The following ARHGAP28 variants were observed in gnomAD, a reference collection of about 807,000 sequenced individuals.
The protein encoded by ARHGAP28 is Rho GTPase activating protein 28.
ARHGAP28 carries 56 observed loss-of-function variants against 90.7 expected under a neutral mutation model. The ratio of observed to expected loss-of-function variants is 0.62; its 90% confidence interval spans 0.50 to 0.77. The LOEUF is 0.77. ARHGAP28 is among the 30% of genes least tolerant of loss of function. The pLI, the probability that ARHGAP28 is intolerant of heterozygous loss-of-function variation, is 0.00. For missense variants in ARHGAP28, 869 were observed against 900.9 expected, an observed-to-expected ratio of 0.96 and a Z score of 0.45; for synonymous variants, 308 against 323.3, an observed-to-expected ratio of 0.95 and a Z score of 0.51.
intron 3 of ARHGAP28, among the ~76,000 whole-genome samples, chr18:6,845,530 A>G (rs1384681668): frequency 6.6e-6 from 1 of 152,146 alleles, no homozygotes; most frequent in African/African-American, 2.4e-5. Flanking sequence ...TCACATTGGT[A>G]TTAAGCTCTG....
Position 6,913,392 on chromosome 18 carries a change from A to G in ARHGAP28, c.*1238A>G, listed in dbSNP as rs917727706. ...ATAGTCCTTCTCAGATTAGCTGGAA[A>G]TGGGGACAGAGTTCTCATTTATCCC... On this transcript the variant is annotated 3_prime_UTR_variant, in exon 18 of 18. Coordinates refer to ENST00000383472, the MANE Select transcript of ARHGAP28 (RefSeq NM_001366230.1). The G allele has an allele frequency of 7.2e-5, 11 of 152,310 alleles. 1 individual carries two copies. The highest frequency in any genetic ancestry group is 2.0e-4 in the Admixed American group (3 of 15,296). 9.4% of individuals were successfully genotyped at this position (152,310 alleles called of 1,614,324 possible).
At chr18:6,735,040 C>G (rs186097533) in intron 1 of ARHGAP28, among the ~76,000 whole-genome samples, 2 of 152,166 alleles carry the variant, frequency 1.3e-5, no homozygotes, top group Admixed American at 1.3e-4. Flanking sequence ...AAGCTGCTCA[C>G]TTCTCCCTGA....
In ARHGAP28 at chr18:6,820,772, C is replaced by T. The variant is rs184344101; in HGVS notation, c.123-3990C>T. On this transcript the variant is annotated intron_variant, in intron 1 of 17. Transcript: ENST00000383472. ...AAACAAAAACTGTCAGCCTAGAGTT[C>T]TATGCCCAGTAAAAAATATTTGTCA... 8.5e-3 allele frequency among the ~76,000 whole-genome samples: 1,287 copies of T among 152,262 alleles called. 10 individuals are homozygous for T. Among genetic ancestry groups the T allele is most frequent in the Admixed American group, 0.016 (241 of 15,294 alleles).
intron 1 of ARHGAP28, among the ~76,000 whole-genome samples, chr18:6,802,866 G>A (rs1444198733): frequency 6.6e-6 from 1 of 152,032 alleles, no homozygotes; most frequent in Non-Finnish European, 1.5e-5. Context: ...ATTGTAAATG[G>A]CATTGTTTTT....
In ARHGAP28 at chr18:6,794,072, C is replaced by T. The variant is rs559766465; in HGVS notation, c.123-30690C>T. Among the ~76,000 whole-genome samples the T allele has an allele frequency of 2.6e-5, 4 of 152,226 alleles. No individual in the cohort carries two copies. The South Asian group carries it at 6.2e-4, about 24-fold the overall frequency. On this transcript the variant is annotated intron_variant, in intron 1 of 17. Transcript: ENST00000383472. ...TTTCTCATTAAGAAAAAGTGTATGG[C>T]GTGCAGTTCTAGGCTTAAGGTGTTG...
At chr18:6,742,435 G>T (rs2055987178) in intron 1 of ARHGAP28, among the ~76,000 whole-genome samples, 1 of 152,118 alleles carries the variant, frequency 6.6e-6, no homozygotes, top group Non-Finnish European at 1.5e-5. Flanking sequence ...TTTCCAGCAT[G>T]CAGGGATTAC....
chr18:6,852,428 C>A (rs967960004), intron 4 of ARHGAP28, among the ~76,000 whole-genome samples: 6 of 152,184 alleles, frequency 3.9e-5, no homozygotes, highest in African/African-American at 1.4e-4. Flanking sequence ...AATAGCTATA[C>A]TTGCTTGCTA....
chr18:6,880,908 C>A (rs2143633260), intron 10 of ARHGAP28, among the ~76,000 whole-genome samples: 1 of 152,332 alleles, frequency 6.6e-6, no homozygotes, highest in East Asian at 1.9e-4. Flanking sequence ...AGAGCCCACT[C>A]TATCTCTTTC....
At chr18:6,873,035 GGT>G (rs1342383449) in intron 7 of ARHGAP28, among the ~76,000 whole-genome samples, 5 of 152,102 alleles carry the variant, frequency 3.3e-5, no homozygotes, top group African/African-American at 1.2e-4. Flanking sequence ...GATATACCTA[GGT>G]GTGTTTCCTG....
intron 3 of ARHGAP28, among the ~76,000 whole-genome samples, chr18:6,848,125 A>G (rs2056881016): frequency 6.6e-6 from 1 of 152,100 alleles, no homozygotes; most frequent in African/African-American, 2.4e-5. Context: ...TTGCACAAAG[A>G]GTTTAGGATC....
At chr18:6,800,961 A>C (rs1209673235) in intron 1 of ARHGAP28, among the ~76,000 whole-genome samples, 2 of 152,152 alleles carry the variant, frequency 1.3e-5, no homozygotes, top group African/African-American at 4.8e-5. Context: ...TATTTTCTTG[A>C]AGTATGTGGC....
chr18:6,787,361 T>C (rs2056373811), intron 1 of ARHGAP28, among the ~76,000 whole-genome samples: 1 of 152,062 alleles, frequency 6.6e-6, no homozygotes, highest in Admixed American at 6.5e-5. Context: ...TATTTACTTT[T>C]CCTTTATACT....
chr18:6,882,025 A>T, intron 10 of ARHGAP28, 112 bp from the exon 11 acceptor site: 2 of 967,208 alleles, frequency 2.1e-6, no homozygotes, highest in Non-Finnish European at 3.0e-6. Context: ...GGTAGACATT[A>T]CCTTACCAGT....
chr18:6,845,887 GA>G (rs2056862474), intron 3 of ARHGAP28, among the ~76,000 whole-genome samples: 1 of 152,198 alleles, frequency 6.6e-6, no homozygotes, highest in East Asian at 1.9e-4. Flanking sequence ...TCTAGCACAG[GA>G]AGTGAACACA....
chr18:6,905,944 A>C (rs2057362543), intron 16 of ARHGAP28, among the ~76,000 whole-genome samples: 1 of 152,172 alleles, frequency 6.6e-6, no homozygotes, highest in Non-Finnish European at 1.5e-5. Flanking sequence ...AAGATAACAC[A>C]GTAAAGATAT....
At chr18:6,798,348 C>A (rs2056457367) in intron 1 of ARHGAP28, among the ~76,000 whole-genome samples, 1 of 152,086 alleles carries the variant, frequency 6.6e-6, no homozygotes, top group Non-Finnish European at 1.5e-5. Context: ...CACCTGCCAC[C>A]ATGCCCGGCT....
intron 1 of ARHGAP28, among the ~76,000 whole-genome samples, chr18:6,803,839 C>T (rs182732442): frequency 0.018 from 2,720 of 151,934 alleles, 84 homozygotes; most frequent in African/African-American, 0.063. Context: ...AGTGCAGTGG[C>T]GCGATCTTGG....
chr18:6,836,596 T>G lies in ARHGAP28; in HGVS notation c.326-601T>G, dbSNP rs999423372. On this transcript the variant is annotated intron_variant, in intron 2 of 17. Coordinates refer to ENST00000383472, the MANE Select transcript of ARHGAP28 (RefSeq NM_001366230.1). Reference sequence around the variant, plus strand: ...ATAAGGCAGATACCTGGATCTGCTATATGGAGGAATTGGGAGGAGTTGGAC... The same window carrying G: ...ATAAGGCAGATACCTGGATCTGCTAGATGGAGGAATTGGGAGGAGTTGGAC... Among the ~76,000 whole-genome samples, 15 of 152,198 alleles carry G rather than the reference T, an allele frequency of 9.9e-5. 1 individual carries two copies. Among genetic ancestry groups the G allele is most frequent in the Admixed American group, 7.2e-4 (11 of 15,294 alleles).
chr18:6,821,006 T>TAA (rs2056623169), intron 1 of ARHGAP28, among the ~76,000 whole-genome samples: 1 of 152,304 alleles, frequency 6.6e-6, no homozygotes, highest in African/African-American at 2.4e-5. Context: ...ACCATGTATT[T>TAA]AGTTTTTCAA....
Sources: allele counts gnomAD v4.1 joint callset (sites outside exome capture counted in the v4.1 genomes callset), GRCh38; gene constraint gnomAD v4.1.1; transcripts MANE v1.5; gene names NCBI Gene and HGNC (gene_info 2026-07-23, HGNC 2026-07-21).